CSMD3: variants seen among roughly 807,000 people sequenced by gnomAD.
CSMD3 encodes CUB and Sushi multiple domains 3.
In CSMD3, 177 loss-of-function variants were observed where a neutral mutation model predicts 435.2. That is an observed-to-expected ratio of 0.41 (90% CI 0.36 to 0.46). The LOEUF is 0.46. Ranked by LOEUF, CSMD3 falls within the 20% of genes least tolerant of loss-of-function variation. The probability of loss-of-function intolerance (pLI) is 0.34; values close to 1 mark genes in which losing one functional copy is unlikely to be tolerated. For missense variants in CSMD3, 4,265 were observed against 4,504.6 expected (o/e 0.95, Z 1.52); for synonymous variants, 1,656 against 1,520.5 (o/e 1.09, Z -2.07).
chr8:113,199,280 T>C (rs1157373929), intron 3 of CSMD3, among the ~76,000 whole-genome samples: 1 of 151,550 alleles, frequency 6.6e-6, no homozygotes, highest in Non-Finnish European at 1.5e-5. Flanking sequence ...CAAGCCTGTG[T>C]AAAATTTAGA....
intron 10 of CSMD3, 138 bp from the exon 11 acceptor site, chr8:112,859,404 T>C (rs552327167): frequency 5.3e-6 from 4 of 752,098 alleles, no homozygotes; most frequent in Non-Finnish European, 9.0e-6. Context: ...GGTATTCTAA[T>C]GTCACTTATC....
At chr8:112,304,943 C>G (rs771934893) in intron 51 of CSMD3, 28 bp from the exon 52 acceptor site, 1 of 1,546,300 alleles carries the variant, frequency 6.5e-7, no homozygotes, top group South Asian at 1.1e-5. Flanking sequence ...GGTGTAATTG[C>G]TAACAAATCA....
At chr8:112,885,766 A>G (rs2081572433) in intron 10 of CSMD3, among the ~76,000 whole-genome samples, 1 of 151,770 alleles carries the variant, frequency 6.6e-6, no homozygotes, top group Non-Finnish European at 1.5e-5. Context: ...AGAGATTGGC[A>G]TTCTCAATGT....
chr8:112,731,180 T>A (rs1421889812), intron 13 of CSMD3, among the ~76,000 whole-genome samples: 1 of 150,480 alleles, frequency 6.6e-6, no homozygotes, highest in Non-Finnish European at 1.5e-5. Context: ...ACATCAATGT[T>A]GCTGATAATT....
At chr8:113,152,593 G>A (rs2131792208) in intron 4 of CSMD3, among the ~76,000 whole-genome samples, 1 of 152,088 alleles carries the variant, frequency 6.6e-6, no homozygotes, top group East Asian at 1.9e-4. Context: ...TTAGTATATG[G>A]GACTAGTTAA....
At position 112,296,004 on chromosome 8, in the gene CSMD3, C is replaced by A. The variant is rs1384386123; in HGVS notation, c.8443G>T (p.Gly2815Cys). 2 of 1,609,316 alleles carry A rather than the reference C, an allele frequency of 1.2e-6. No individual in the cohort carries two copies. Among genetic ancestry groups the A allele is most frequent in the Non-Finnish European group, 1.7e-6 (2 of 1,175,932 alleles). The part of the protein sequence containing the change: ...WSESETRCLA[G>C]HCGIPELIVN... ...ATCAGTTCTGGAATTCCACAATGACCCGCTGAAATACGTTATAAAGTAATA... is the reference window on the plus strand; with the variant it reads ...ATCAGTTCTGGAATTCCACAATGACACGCTGAAATACGTTATAAAGTAATA... The change falls in exon 54 of 71, where the codon GGT becomes TGT. Residue 2815 changes from glycine (G) to cysteine (C), a missense_variant and splice_region_variant. This residue lies in a region of CSMD3 where 3,255 missense variants were observed against 3,380.2 expected (regional missense o/e 0.96). Coordinates refer to ENST00000297405, the MANE Select transcript of CSMD3 (RefSeq NM_198123.2).
At chr8:113,105,882 TAAAAA>T in intron 4 of CSMD3, among the ~76,000 whole-genome samples, 1 of 150,716 alleles carries the variant, frequency 6.6e-6, no homozygotes, top group Non-Finnish European at 1.5e-5. Context: ...AATATACAGT[TAAAAA>T]AAAAAGTACT....
chr8:113,106,311 T>C (rs564974722), intron 4 of CSMD3, among the ~76,000 whole-genome samples: 1 of 151,522 alleles, frequency 6.6e-6, no homozygotes, highest in Non-Finnish European at 1.5e-5. Context: ...AGACACAAAA[T>C]ATATTACTAG....
chr8:112,674,325 G>A (rs185630681), intron 16 of CSMD3, among the ~76,000 whole-genome samples: 5 of 152,184 alleles, frequency 3.3e-5, no homozygotes, highest in Non-Finnish European at 1.5e-5. Flanking sequence ...GTCCTTTCCT[G>A]GAAGTTATTG....
intron 38 of CSMD3, among the ~76,000 whole-genome samples, chr8:112,367,126 A>T (rs1410368884): frequency 6.6e-6 from 1 of 152,114 alleles, no homozygotes; most frequent in East Asian, 1.9e-4. Flanking sequence ...GTATAGTTTG[A>T]GCAGCATGAC....
intron 58 of CSMD3, among the ~76,000 whole-genome samples, chr8:112,281,860 T>C (rs948562748): frequency 9.2e-5 from 14 of 152,164 alleles, no homozygotes; most frequent in African/African-American, 3.4e-4. Flanking sequence ...GTATAAATTC[T>C]ATTTCTAGAC....
chr8:112,405,210 C>CAAAA (rs1281207431), intron 35 of CSMD3, among the ~76,000 whole-genome samples: 1 of 32,520 alleles, frequency 3.1e-5, no homozygotes, highest in Non-Finnish European at 4.9e-5. Context: ...AAAAAAAAAA[C>CAAAA]CCCCATATAT....
intron 2 of CSMD3, chr8:113,311,321 A>C (rs547905280): frequency 1.6e-4 from 25 of 152,190 alleles, no homozygotes; most frequent in African/African-American, 5.8e-4. Context: ...AATATCATTA[A>C]TCATTGGAGG....
rs2075085881 is a variant in CSMD3, at chr8:112,650,090, C to A, written c.3193+71G>T. On this transcript the variant is annotated intron_variant, in intron 19 of 70. Transcript: ENST00000297405. ...TAAAATATTTATAATTATGTTAAAC[C>A]CCATATAAAAAACTACATTGATTTT... is the stretch of plus-strand genomic sequence containing the variant. 4 of 1,068,654 alleles carry A rather than the reference C, an allele frequency of 3.7e-6. No homozygotes were observed. The South Asian group carries it at 3.8e-5, about 10-fold the overall frequency. The allele number at this position is 1,068,654 out of a possible 1,614,324, so 66.2% of individuals were successfully genotyped here. A position where few individuals can be genotyped will look rare whatever the true frequency, so the allele number is the denominator to read the frequency against.
At chr8:112,699,774 T>C (rs1333931834) in intron 13 of CSMD3, among the ~76,000 whole-genome samples, 2 of 152,196 alleles carry the variant, frequency 1.3e-5, no homozygotes, top group South Asian at 2.1e-4. Flanking sequence ...TGGGAAAATA[T>C]TGTATGTACC....
intron 19 of CSMD3, among the ~76,000 whole-genome samples, chr8:112,649,844 A>G (rs1270418814): frequency 6.6e-6 from 1 of 152,140 alleles, no homozygotes; most frequent in Non-Finnish European, 1.5e-5. Flanking sequence ...TTCTTCTCAT[A>G]CAAATTTGGC....
intron 5 of CSMD3, among the ~76,000 whole-genome samples, chr8:113,047,067 T>G (rs978828348): frequency 6.6e-6 from 1 of 152,202 alleles, no homozygotes; most frequent in Non-Finnish European, 1.5e-5. Context: ...AGCAAAAGCC[T>G]GGCCTCCACG....
At chr8:113,239,729 T>C (rs1045704007) in intron 3 of CSMD3, among the ~76,000 whole-genome samples, 1 of 152,036 alleles carries the variant, frequency 6.6e-6, no homozygotes. Context: ...GGACTGTTCG[T>C]AGAAATATGA....
At chr8:113,173,536 G>A (rs900701154) in intron 4 of CSMD3, among the ~76,000 whole-genome samples, 186 bp downstream of exon 4, 1 of 151,932 alleles carries the variant, frequency 6.6e-6, no homozygotes, top group Non-Finnish European at 1.5e-5. Context: ...TGGCCAGGCT[G>A]GTCTCAAACT....
Sources: gnomAD v4.1 joint callset for allele counts (sites outside exome capture counted in the v4.1 genomes callset) on GRCh38, gnomAD v4.1.1 for gene constraint, gnomAD v4.1.1 regional missense constraint, MANE v1.5 for transcripts, NCBI Gene and HGNC (gene_info 2026-07-23, HGNC 2026-07-21) for gene names.